POFUT3: variants seen among roughly 807,000 people sequenced by gnomAD.
The protein encoded by POFUT3 is protein O-fucosyltransferase 3, also known as GDP-fucose protein O-fucosyltransferase 3.
At chr8:33,473,084 T>A in the POFUT3 span, 3 of 152,020 alleles carry the variant, frequency 2.0e-5, no homozygotes, top group Admixed American at 1.3e-4. Flanking sequence ...GCAGGGTTCG[T>A]CCCGCAGAAT....
chr8:33,369,649 G>T, the POFUT3 span, among the ~76,000 whole-genome samples: 1 of 151,994 alleles, frequency 6.6e-6, no homozygotes, highest in Non-Finnish European at 1.5e-5. Flanking sequence ...CATTTTACTG[G>T]GCAGGTCGGC....
At chr8:33,423,268 T>C in the POFUT3 span, among the ~76,000 whole-genome samples, 1 of 90,866 alleles carries the variant, frequency 1.1e-5, no homozygotes, top group South Asian at 2.8e-4. Flanking sequence ...ATGACAATTC[T>C]TACAATTTTT....
chr8:33,441,527 T>C, the POFUT3 span, among the ~76,000 whole-genome samples: 8 of 151,586 alleles, frequency 5.3e-5, no homozygotes, highest in Non-Finnish European at 7.4e-5. Flanking sequence ...ACTATAGGTG[T>C]GCACCACCAT....
chr8:33,418,585 G>T, the POFUT3 span, among the ~76,000 whole-genome samples: 6 of 152,050 alleles, frequency 3.9e-5, no homozygotes, highest in African/African-American at 1.4e-4. Context: ...TTACAGGCGT[G>T]AGTCACCAAG....
At chr8:33,430,854 C>G in the POFUT3 span, among the ~76,000 whole-genome samples, 1 of 152,118 alleles carries the variant, frequency 6.6e-6, no homozygotes, top group South Asian at 2.1e-4. Context: ...GTGATCCACC[C>G]GCCTCGGCCT....
At chr8:33,381,688 C>T in the POFUT3 span, among the ~76,000 whole-genome samples, 1 of 152,110 alleles carries the variant, frequency 6.6e-6, no homozygotes, top group Non-Finnish European at 1.5e-5. Context: ...ATCATCTTAG[C>T]GTGGTAGTTA....
the POFUT3 span, among the ~76,000 whole-genome samples, chr8:33,449,189 T>C: frequency 5.4e-4 from 82 of 150,570 alleles, no homozygotes; most frequent in African/African-American, 1.7e-3. Context: ...ATAAAGGACA[T>C]ACAAAATGCT....
At chr8:33,446,316 G>C in the POFUT3 span, among the ~76,000 whole-genome samples, 1 of 151,980 alleles carries the variant, frequency 6.6e-6, no homozygotes, top group Non-Finnish European at 1.5e-5. Flanking sequence ...AATTAGCCAG[G>C]TGTGGTGGCG....
chr8:33,319,847 G>T, the POFUT3 span, among the ~76,000 whole-genome samples: 1 of 142,572 alleles, frequency 7.0e-6, no homozygotes, highest in Non-Finnish European at 1.5e-5. Flanking sequence ...GCCAGCTCCT[G>T]AGGCATAGTC....
chr8:33,381,349 T>C, the POFUT3 span, among the ~76,000 whole-genome samples: 1 of 152,338 alleles, frequency 6.6e-6, no homozygotes, highest in East Asian at 1.9e-4. Context: ...CCCATTTTTA[T>C]ACTTTATCAT....
chr8:33,466,616 T>C, the POFUT3 span, among the ~76,000 whole-genome samples: 1 of 152,218 alleles, frequency 6.6e-6, no homozygotes, highest in African/African-American at 2.4e-5. Context: ...GGTACATTTA[T>C]AACAGTAACA....
the POFUT3 span, among the ~76,000 whole-genome samples, chr8:33,422,264 C>G: frequency 6.6e-6 from 1 of 151,194 alleles, no homozygotes; most frequent in Non-Finnish European, 1.5e-5. Context: ...GTTTCCAGGC[C>G]TGGCGCGGTG....
the POFUT3 span, among the ~76,000 whole-genome samples, chr8:33,375,925 G>C: frequency 6.6e-6 from 1 of 151,484 alleles, no homozygotes; most frequent in Non-Finnish European, 1.5e-5. Flanking sequence ...GATGAGGCAG[G>C]AGAATCGCTT....
At chr8:33,460,817 G>A in the POFUT3 span, 12 of 881,874 alleles carry the variant, frequency 1.4e-5, no homozygotes, top group Non-Finnish European at 1.6e-5. Context: ...GGGTCTCCCT[G>A]CCAGAGGTTT....
At chr8:33,450,410 A>G in the POFUT3 span, among the ~76,000 whole-genome samples, 1 of 152,364 alleles carries the variant, frequency 6.6e-6, no homozygotes, top group East Asian at 1.9e-4. Context: ...AAACTATATT[A>G]TTCATCTATA....
At chr8:33,308,325 A>G in the POFUT3 span, among the ~76,000 whole-genome samples, 3 of 152,230 alleles carry the variant, frequency 2.0e-5, no homozygotes. Flanking sequence ...AGAAGGCAGC[A>G]AAGAGAGCAT....
the POFUT3 span, among the ~76,000 whole-genome samples, chr8:33,426,619 G>A: frequency 1.3e-5 from 2 of 152,106 alleles, no homozygotes; most frequent in Non-Finnish European, 2.9e-5. Flanking sequence ...GATTCAATCC[G>A]ATCTAAGGCA....
the POFUT3 span, chr8:33,372,786 A>G: frequency 1.7e-5 from 28 of 1,613,826 alleles, no homozygotes; most frequent in Admixed American, 1.2e-4. Context: ...TCTGCCTCCC[A>G]TCTTTTGGGT....
chr8:33,461,092 T>C, the POFUT3 span, among the ~76,000 whole-genome samples: 1 of 150,770 alleles, frequency 6.6e-6, no homozygotes, highest in African/African-American at 2.4e-5. Context: ...GAGGCAGAGG[T>C]TGCAGTAAGC....
Sources: allele counts gnomAD v4.1 joint callset (sites outside exome capture counted in the v4.1 genomes callset), GRCh38; gene constraint gnomAD v4.1.1; transcripts MANE v1.5; gene names NCBI Gene and HGNC (gene_info 2026-07-23, HGNC 2026-07-21).